Variants in ARHGEF10 observed in about 807,000 individuals in gnomAD.
ARHGEF10 encodes Rho guanine nucleotide exchange factor 10.
Under a neutral mutation model 147.4 loss-of-function variants are expected in ARHGEF10, and 140 were observed. The ratio of observed to expected loss-of-function variants is 0.95; its 90% CI spans 0.83 to 1.09. The LOEUF (loss-of-function observed/expected upper bound fraction) is 1.09. Among genes scored for constraint, ARHGEF10 ranks in the 50% least tolerant of loss-of-function variants. The probability of loss-of-function intolerance (pLI) is 0.00; values close to 1 mark genes in which losing one functional copy is unlikely to be tolerated. For missense variants in ARHGEF10, 2,222 were observed against 1,752.7 expected (o/e 1.27, Z -4.78); for synonymous variants, 902 against 695.8 (o/e 1.30, Z -4.67).
intron 1 of ARHGEF10, 98 bp from the exon 2 acceptor site, chr8:1,843,255 T>G: frequency 1.2e-6 from 1 of 834,794 alleles, no homozygotes; most frequent in South Asian, 1.4e-5. Flanking sequence ...GACAGTTAGC[T>G]CTTCCTTTTT....
intron 7 of ARHGEF10, 99 bp from the exon 8 acceptor site, chr8:1,876,472 C>A: frequency 7.9e-7 from 1 of 1,259,628 alleles, no homozygotes; most frequent in Non-Finnish European, 1.2e-6. Flanking sequence ...TTTCCTTCCA[C>A]CCCCAGCTCT....
intron 1 of ARHGEF10, among the ~76,000 whole-genome samples, chr8:1,833,193 A>AGCAGAGACAGAG (rs1461459403): frequency 5.6e-5 from 2 of 35,790 alleles, no homozygotes; most frequent in Non-Finnish European, 1.1e-4. Flanking sequence ...CAGAGACAGA[A>AGCAGAGACAGAG]GCAGAGACAG....
At chr8:1,944,589 T>C (rs905078319) in intron 26 of ARHGEF10, among the ~76,000 whole-genome samples, 4 of 152,228 alleles carry the variant, frequency 2.6e-5, no homozygotes, top group Non-Finnish European at 5.9e-5. Flanking sequence ...GTGGGACAAC[T>C]CGTAGGGCCA....
rs372513872 is a variant in ARHGEF10 at position 1,834,607 on chromosome 8, C to G, written c.-47-8746C>G. On this transcript the variant is annotated intron_variant, in intron 1 of 28. Transcript: ENST00000349830. ...CCTCCCTCTGTCCGTCCATCCATCC[C>G]CTTTCCGTAAGCATTGAGTGTCCTC... Among the ~76,000 whole-genome samples, 167 of 152,334 alleles carry G rather than the reference C, an allele frequency of 1.1e-3. 1 individual carries two copies. The highest frequency in any genetic ancestry group is 3.9e-3 in the African/African-American group (164 of 41,574).
At chr8:1,876,793 T>C in intron 8 of ARHGEF10, 59 bp downstream of exon 8, 1 of 1,574,186 alleles carries the variant, frequency 6.4e-7, no homozygotes, top group South Asian at 1.1e-5. Flanking sequence ...GACAGGGGGC[T>C]GTGAATATGA....
At chr8:1,845,032 A>T (rs1452304935) in intron 2 of ARHGEF10, among the ~76,000 whole-genome samples, 1 of 152,186 alleles carries the variant, frequency 6.6e-6, no homozygotes, top group Non-Finnish European at 1.5e-5. Flanking sequence ...CCAGCTACTC[A>T]TGAGGCTGGG....
chr8:1,952,278 A>G (rs1046630130), intron 27 of ARHGEF10, among the ~76,000 whole-genome samples: 3 of 151,932 alleles, frequency 2.0e-5, no homozygotes, highest in African/African-American at 7.3e-5. Flanking sequence ...CCATTAAGAG[A>G]CCTCTCCTCA....
intron 1 of ARHGEF10, among the ~76,000 whole-genome samples, chr8:1,833,974 G>A (rs1319379426): frequency 6.6e-6 from 1 of 152,142 alleles, no homozygotes; most frequent in Admixed American, 6.5e-5. Flanking sequence ...GGCACTAGAG[G>A]AGAGGAGACA....
intron 16 of ARHGEF10, chr8:1,904,052 G>A (rs1159608919): frequency 6.4e-6 from 1 of 155,638 alleles, no homozygotes; most frequent in Non-Finnish European, 1.4e-5. Context: ...AGCTGTTATT[G>A]AGGTGCTGCA....
At chr8:1,916,800 G>T (rs908892887) in intron 18 of ARHGEF10, among the ~76,000 whole-genome samples, 1 of 152,118 alleles carries the variant, frequency 6.6e-6, no homozygotes, top group Admixed American at 6.5e-5. Flanking sequence ...CTTGTTCTCT[G>T]TTGAAAACAC....
chr8:1,826,878 G>A (rs1262673187), intron 1 of ARHGEF10, among the ~76,000 whole-genome samples: 2 of 152,254 alleles, frequency 1.3e-5, no homozygotes, highest in African/African-American at 4.8e-5. Flanking sequence ...TAAGACAGAA[G>A]GGAAGCGTAG....
chr8:1,935,929 G>A (rs1330320421), intron 26 of ARHGEF10, among the ~76,000 whole-genome samples: 4 of 152,244 alleles, frequency 2.6e-5, no homozygotes, highest in Admixed American at 6.5e-5. Context: ...CTCACTCCGA[G>A]GGAGGCTGTG....
chr8:1,940,761 G>A (rs1312069894), intron 26 of ARHGEF10, among the ~76,000 whole-genome samples: 2 of 152,112 alleles, frequency 1.3e-5, no homozygotes, highest in African/African-American at 2.4e-5. Context: ...CGTACTGAAA[G>A]GATTGTGTAC....
rs563672104 is a variant in ARHGEF10 at position 1,912,211 on chromosome 8, A to C, written c.2143+2741A>C. 5.9e-5 allele frequency among the ~76,000 whole-genome samples: 9 copies of C among 151,590 alleles called. No individual in the cohort carries two copies. The South Asian group carries it at 1.9e-3, about 32-fold the overall frequency. ...TTTGCCGTGTGGTGTTAGACTCAGC[A>C]GGAAGCTCGCTGTCCCCGCAGAAGC... On this transcript the variant is annotated intron_variant, in intron 18 of 28. Transcript: ENST00000349830.
At chr8:1,830,736 G>C (rs1221508874) in intron 1 of ARHGEF10, among the ~76,000 whole-genome samples, 1 of 152,218 alleles carries the variant, frequency 6.6e-6, no homozygotes, top group Non-Finnish European at 1.5e-5. Flanking sequence ...ATGAAAAGCT[G>C]CGGAAAGAGA....
chr8:1,829,521 C>T (rs1225079965), intron 1 of ARHGEF10, among the ~76,000 whole-genome samples: 2 of 152,178 alleles, frequency 1.3e-5, no homozygotes, highest in East Asian at 1.9e-4. Flanking sequence ...TCAGCAGGCC[C>T]GTGGGAAGCA....
chr8:1,841,853 G>GAGGCGCCGAACCACGAGGCCAGGT (rs1804071108), intron 1 of ARHGEF10, among the ~76,000 whole-genome samples: 3 of 124,458 alleles, frequency 2.4e-5, no homozygotes, highest in South Asian at 5.8e-4. Flanking sequence ...CTGGGGCCGC[G>GAGGCGCCGAACCACGAGGCCAGGT]GCGGGAACTG....
chr8:1,850,107 CGGCT>C lies in ARHGEF10; in HGVS notation c.37+6673_37+6676del, dbSNP rs1563174132. On this transcript the variant is annotated intron_variant, in intron 2 of 28. Transcript: ENST00000349830. ...GGCAAATGCTGAGGAGGGCGTGGGCCGGCTGCATGGACACAGAGGGCAAATGCTG... is the reference window on the plus strand; with the variant it reads ...GGCAAATGCTGAGGAGGGCGTGGGCCGCATGGACACAGAGGGCAAATGCTG... Among the ~76,000 whole-genome samples the C allele has an allele frequency of 8.2e-3, 983 of 120,434 alleles. 63 individuals are homozygous for C. The highest frequency in any genetic ancestry group is 0.017 in the African/African-American group (509 of 30,108). The allele number at this position is 120,434 out of a possible 152,430, so 79.0% of individuals were successfully genotyped here.
In ARHGEF10 at chr8:1,885,671, C is replaced by G. The variant is rs1194442135; in HGVS notation, c.1146C>G (p.Ile382Met). Residue 382 changes from isoleucine to methionine, a missense_variant, in exon 11 of 29, where the codon ATC (isoleucine) becomes ATG (methionine). Coordinates refer to ENST00000349830, the MANE Select transcript of ARHGEF10 (RefSeq NM_014629.4). ...IDVDCKHPEA[I>M]LTPMPEGLSQ... is the part of the protein sequence containing the mutation. ...TTGACTGCAAGCACCCGGAAGCCAT[C>G]TTGACCCCGATGCCCGAGGGTTTAT... 2 of 1,613,914 alleles carry G rather than the reference C, an allele frequency of 1.2e-6. No homozygotes were observed. Among genetic ancestry groups the G allele is most frequent in the African/African-American group, 1.3e-5 (1 of 74,912 alleles).
Sources: allele counts gnomAD v4.1 joint callset (sites outside exome capture counted in the v4.1 genomes callset), GRCh38; gene constraint gnomAD v4.1.1; transcripts MANE v1.5; gene names NCBI Gene and HGNC (gene_info 2026-07-23, HGNC 2026-07-21).